Variants in SEMA7A observed in about 807,000 individuals in gnomAD.
SEMA7A encodes the protein semaphorin 7A (JohnMiltonHagen blood group).
SEMA7A carries 21 observed loss-of-function variants against 67.5 expected under a neutral mutation model. The ratio of observed to expected loss-of-function variants is 0.31; its 90% CI spans 0.22 to 0.45. SEMA7A has a LOEUF of 0.45. SEMA7A is among the 20% of genes least tolerant of loss of function. The probability of loss-of-function intolerance (pLI) is 1.00; values close to 1 mark genes in which losing one functional copy is unlikely to be tolerated. For missense variants in SEMA7A, 774 were observed against 908.6 expected, an observed-to-expected ratio of 0.85 and a Z score of 1.90; for synonymous variants, 364 against 368.5, an observed-to-expected ratio of 0.99 and a Z score of 0.14.
intron 10 of SEMA7A, among the ~76,000 whole-genome samples, chr15:74,412,643 C>T (rs1225407518): frequency 6.6e-6 from 1 of 151,958 alleles, no homozygotes; most frequent in Non-Finnish European, 1.5e-5. Flanking sequence ...TTCTCCAGTT[C>T]CCCCTAATGT....
intron 3 of SEMA7A, 138 bp downstream of exon 3, chr15:74,418,130 C>T (rs2060968445): frequency 2.6e-6 from 3 of 1,151,214 alleles, no homozygotes; most frequent in Non-Finnish European, 3.9e-6. Flanking sequence ...TGACGCCATC[C>T]CCTAAGCACA....
chr15:74,411,104 G>T lies in SEMA7A; in HGVS notation c.1640-119C>A. 1 of 1,451,690 alleles carries T rather than the reference G, an allele frequency of 6.9e-7. No individual in the cohort carries two copies. Among genetic ancestry groups the T allele is most frequent in the Non-Finnish European group, 9.2e-7 (1 of 1,083,214 alleles). The allele number at this position is 1,451,690 out of a possible 1,614,324, so 89.9% of individuals were successfully genotyped here. ...CTTCTGAATGAACGTGGGGAACCCAGCCCTCAGCGTCCTCCTTTTTTCTCC... is the reference window on the plus strand; with the variant it reads ...CTTCTGAATGAACGTGGGGAACCCATCCCTCAGCGTCCTCCTTTTTTCTCC... On this transcript the variant is annotated intron_variant, in intron 13 of 13. Transcript: ENST00000261918. This position sits in a 1 kb window ranked among gnomAD's most constrained non-coding sequence, Gnocchi z 4.4.
At chr15:74,429,091 A>G (rs1266367927) in intron 1 of SEMA7A, among the ~76,000 whole-genome samples, 4 of 152,160 alleles carry the variant, frequency 2.6e-5, no homozygotes, top group Non-Finnish European at 5.9e-5. Context: ...TCCTCCCCCA[A>G]CCATGGCGAA....
intron 8 of SEMA7A, 75 bp downstream of exon 8, chr15:74,415,726 C>A (rs2060942382): frequency 7.0e-7 from 1 of 1,428,116 alleles, no homozygotes; most frequent in East Asian, 2.5e-5. Flanking sequence ...AGGCCCTCAG[C>A]AGGGCCCAAG....
rs2060882049 is a variant in SEMA7A at position 74,409,637 on chromosome 15, A to G, written c.*987T>C. The G allele has an allele frequency of 7.3e-6, 1 of 137,686 alleles. No homozygotes were observed. The highest frequency in any genetic ancestry group is 7.5e-5 in the Admixed American group (1 of 13,390). 8.5% of individuals were successfully genotyped at this position (137,686 alleles called of 1,614,324 possible). A position where few individuals can be genotyped will look rare whatever the true frequency, so the allele number is the denominator to read the frequency against. On this transcript the variant is annotated 3_prime_UTR_variant, in exon 14 of 14. Coordinates refer to ENST00000261918, the MANE Select transcript of SEMA7A (RefSeq NM_003612.5). The stretch of plus-strand genomic sequence containing the variant: ...CCCCGCCCCCCAACCCTCAACGCCA[A>G]GGGCAGAGTCCTGGAACCTCCCCCT...
chr15:74,428,975 T>C (rs1187330478), intron 1 of SEMA7A, among the ~76,000 whole-genome samples: 1 of 152,196 alleles, frequency 6.6e-6, no homozygotes, highest in Non-Finnish European at 1.5e-5. Context: ...CTGGCCTGCC[T>C]GGTTCCCTGA....
intron 1 of SEMA7A, among the ~76,000 whole-genome samples, chr15:74,424,847 G>A (rs193018039): frequency 8.6e-4 from 131 of 152,368 alleles, no homozygotes; most frequent in African/African-American, 3.1e-3. Flanking sequence ...CAGCCCAGCA[G>A]GTTCCAAAAG....
chr15:74,412,028 A>G lies in SEMA7A; in HGVS notation c.1295-16T>C, dbSNP rs1450274282. On this transcript the variant is annotated splice_polypyrimidine_tract_variant and intron_variant, in intron 10 of 13. Transcript: ENST00000261918. ...GTGCCCCTGTCTGTGTATGGTGGAC[A>G]GAGGGTCAGTGGGCGGGAGTCCCAC... 6.2e-7 allele frequency: 1 copy of G among 1,612,192 alleles called. No homozygotes were observed.
chr15:74,411,752 C>T lies in SEMA7A; in HGVS notation c.1423-42G>A. The T allele has an allele frequency of 1.9e-6, 3 of 1,607,796 alleles. No homozygotes were observed. Among genetic ancestry groups the T allele is most frequent in the Non-Finnish European group, 2.5e-6 (3 of 1,178,664 alleles). On this transcript the variant is annotated intron_variant, in intron 11 of 13. Transcript: ENST00000261918. The surrounding 1 kb of genome is among the most constrained non-coding windows in gnomAD (Gnocchi z 4.4). ...ATTGGGTCAGGCCCGGGCCCCACCC[C>T]ACACTCAGTCCTAAATGTCCAGGCC...
intron 1 of SEMA7A, among the ~76,000 whole-genome samples, chr15:74,432,874 GC>G (rs1349966533): frequency 3.3e-5 from 5 of 152,052 alleles, no homozygotes; most frequent in Admixed American, 2.0e-4. Context: ...TCAAACCCCC[GC>G]CTAACCGGCT....
chr15:74,411,362 G>C lies in SEMA7A; in HGVS notation c.1578-6C>G. On this transcript the variant is annotated splice_region_variant and splice_polypyrimidine_tract_variant and intron_variant, in intron 12 of 13. Coordinates refer to ENST00000261918, the MANE Select transcript of SEMA7A (RefSeq NM_003612.5). This position sits in a 1 kb window ranked among gnomAD's most constrained non-coding sequence, Gnocchi z 4.4. Reference sequence around the variant, plus strand: ...TAATGGATTGCAGCACTGACCTGGAGTGGGAAGGACGAAAGAGGATCAGCA... The same window carrying C: ...TAATGGATTGCAGCACTGACCTGGACTGGGAAGGACGAAAGAGGATCAGCA... 2 of 1,613,914 alleles carry C rather than the reference G, an allele frequency of 1.2e-6. No homozygotes were observed. The highest frequency in any genetic ancestry group is 1.7e-6 in the Non-Finnish European group (2 of 1,179,878).
chr15:74,433,801 C>T lies in SEMA7A; in HGVS notation c.118G>A (p.Ala40Thr). 1 of 1,420,444 alleles carries T rather than the reference C, an allele frequency of 7.0e-7. No homozygotes were observed. The highest frequency in any genetic ancestry group is 1.4e-5 in the South Asian group (1 of 69,344). The allele number at this position is 1,420,444 out of a possible 1,614,324, so 88.0% of individuals were successfully genotyped here. A position where few individuals can be genotyped will look rare whatever the true frequency, so the allele number is the denominator to read the frequency against. ...RLRLLLLLWA[A>T]AASAQGHLRS... ...AGGTGGCCCTGGGCGGAGGCGGCGG[C>T]CGCCCAGAGCAGCAGCAGCAGCCGC... is the stretch of plus-strand genomic sequence containing the variant. The change falls in exon 1 of 14, where the codon GCC becomes ACC. Residue 40 changes from alanine to threonine, a missense_variant. Coordinates refer to ENST00000261918, the MANE Select transcript of SEMA7A (RefSeq NM_003612.5).
At chr15:74,425,198 T>C (rs1015291726) in intron 1 of SEMA7A, among the ~76,000 whole-genome samples, 4 of 152,262 alleles carry the variant, frequency 2.6e-5, no homozygotes, top group African/African-American at 9.6e-5. Context: ...ACGACGATGA[T>C]GATGCCCCTA....
At chr15:74,412,159 G>A (rs1447624783) in intron 10 of SEMA7A, 147 bp from the exon 11 acceptor site, 4 of 972,098 alleles carry the variant, frequency 4.1e-6, no homozygotes, top group Non-Finnish European at 6.0e-6. Flanking sequence ...CGTGACTGGG[G>A]AAGAATGTGG....
intron 1 of SEMA7A, among the ~76,000 whole-genome samples, chr15:74,430,343 C>A (rs1268267749): frequency 6.6e-6 from 1 of 152,172 alleles, no homozygotes; most frequent in Non-Finnish European, 1.5e-5. Context: ...TCTGCCCAGC[C>A]CCTCCCATCC....
intron 1 of SEMA7A, among the ~76,000 whole-genome samples, chr15:74,432,325 C>T (rs1028789168): frequency 2.6e-5 from 4 of 152,144 alleles, no homozygotes; most frequent in Non-Finnish European, 4.4e-5. Flanking sequence ...GTGTGCAGGC[C>T]TCCTCCATGT....
chr15:74,430,273 AG>A (rs1321651130), intron 1 of SEMA7A, among the ~76,000 whole-genome samples: 2 of 152,308 alleles, frequency 1.3e-5, no homozygotes, highest in African/African-American at 4.8e-5. Context: ...CTGACTTCCC[AG>A]GTTTCAATTT....
At chr15:74,431,751 G>A (rs1405259434) in intron 1 of SEMA7A, among the ~76,000 whole-genome samples, 1 of 152,258 alleles carries the variant, frequency 6.6e-6, no homozygotes, top group Non-Finnish European at 1.5e-5. Flanking sequence ...ATCACCAGCT[G>A]GTGGCCCTGG....
At chr15:74,420,938 G>A (rs28362899) in intron 1 of SEMA7A, among the ~76,000 whole-genome samples, 4,523 of 152,306 alleles carry the variant, frequency 0.03, 222 homozygotes, top group African/African-American at 0.1. Flanking sequence ...AGTTCTAGCC[G>A]TCAGACTGTG....
Sources: allele counts gnomAD v4.1 joint callset (sites outside exome capture counted in the v4.1 genomes callset), GRCh38; gene constraint gnomAD v4.1.1; non-coding constraint Gnocchi (gnomAD v3.1); transcripts MANE v1.5; gene names NCBI Gene and HGNC (gene_info 2026-07-23, HGNC 2026-07-21).